Variants in PDE4D observed in about 807,000 individuals in gnomAD.
PDE4D encodes phosphodiesterase 4D.
A neutral mutation model predicts 87.4 loss-of-function variants in PDE4D; 24 were observed. The ratio of observed to expected loss-of-function variants is 0.27; its 90% CI spans 0.20 to 0.39. The LOEUF is 0.39. Among genes scored for constraint, PDE4D ranks in the 10% least tolerant of loss-of-function variants. The pLI, the probability that PDE4D is intolerant of heterozygous loss-of-function variation, is 1.00. For missense variants in PDE4D, 714 were observed against 1,041.0 expected (o/e 0.69, Z 4.32); for synonymous variants, 384 against 383.2 (o/e 1.00, Z -0.02).
intron 5 of PDE4D, among the ~76,000 whole-genome samples, chr5:59,171,386 T>C (rs527281554): frequency 1.3e-5 from 2 of 152,290 alleles, no homozygotes; most frequent in South Asian, 2.1e-4. Context: ...CTAGTCTTTC[T>C]TCTTTTCAAT....
intron 6 of PDE4D, among the ~76,000 whole-genome samples, chr5:59,025,496 G>T (rs1756046650): frequency 6.6e-6 from 1 of 152,040 alleles, no homozygotes; most frequent in Admixed American, 6.6e-5. Context: ...ATTTTTGCAT[G>T]GTTCTTTTTT....
chr5:60,286,723 C>A (rs558514699), intron 1 of PDE4D, among the ~76,000 whole-genome samples: 4 of 152,116 alleles, frequency 2.6e-5, no homozygotes, highest in African/African-American at 9.7e-5. Context: ...AAATAAGAAG[C>A]CTCCGAAACA....
At chr5:59,215,205 T>C (rs1032772061) in intron 2 of PDE4D, among the ~76,000 whole-genome samples, 58 of 152,336 alleles carry the variant, frequency 3.8e-4, no homozygotes, top group African/African-American at 1.4e-3. Flanking sequence ...ATATCTTAAA[T>C]GATATTCAAG....
chr5:59,543,694 T>C (rs551468866), intron 1 of PDE4D, among the ~76,000 whole-genome samples: 1 of 152,192 alleles, frequency 6.6e-6, no homozygotes, highest in South Asian at 2.1e-4. Flanking sequence ...TGCTTGGCTA[T>C]GTTCCCATCC....
rs771800083 is a variant in PDE4D at position 58,974,026 on chromosome 5, A to G, written c.*638T>C. 5 of 152,650 alleles carry G rather than the reference A, an allele frequency of 3.3e-5. No homozygotes were observed. The highest frequency in any genetic ancestry group is 1.5e-5 in the Non-Finnish European group (1 of 68,042). 9.5% of individuals were successfully genotyped at this position (152,650 alleles called of 1,614,324 possible). ...ACCAGTGGCAGATGAAGTTCTGAACATAGTTTTTTTTAAATATAATACCTC... is the reference window on the plus strand; with the variant it reads ...ACCAGTGGCAGATGAAGTTCTGAACGTAGTTTTTTTTAAATATAATACCTC... On this transcript the variant is annotated 3_prime_UTR_variant, in exon 15 of 15. Transcript: ENST00000340635.
intron 1 of PDE4D, among the ~76,000 whole-genome samples, chr5:59,676,152 A>G (rs1167690972): frequency 8.5e-5 from 13 of 152,186 alleles, no homozygotes; most frequent in African/African-American, 2.9e-4. Flanking sequence ...TTTGTGAAAT[A>G]GAATACGTAA....
intron 1 of PDE4D, among the ~76,000 whole-genome samples, chr5:59,319,167 TGTG>T (rs1774269434): frequency 3.9e-5 from 4 of 103,102 alleles, no homozygotes. Flanking sequence ...TATATGTGTG[TGTG>T]TGTGTGTGTG....
At chr5:59,688,760 C>G (rs1040206351) in intron 1 of PDE4D, among the ~76,000 whole-genome samples, 1 of 152,002 alleles carries the variant, frequency 6.6e-6, no homozygotes, top group African/African-American at 2.4e-5. Flanking sequence ...AAAAACCCTT[C>G]AAAAAATCAA....
rs897431334 is a variant in PDE4D at position 60,049,643 on chromosome 5, C to T, written c.43-60926G>A. 3.9e-5 allele frequency among the ~76,000 whole-genome samples: 6 copies of T among 152,208 alleles called. No individual in the cohort carries two copies. In the East Asian group the frequency reaches 9.6e-4, roughly 24 times the overall value. On this transcript the variant is annotated intron_variant, in intron 2 of 16. Coordinates refer to the PDE4D transcript ENST00000502484. ...CCCAGCCGTGTGAGGTGTCAGTCTG[C>T]CCCTGCTGGGAGGTGCCTCCCAGTT...
rs1371373154 is a variant in PDE4D, at chr5:60,124,115, C to T, written c.42+61442G>A. Among the ~76,000 whole-genome samples the T allele has an allele frequency of 2.6e-5, 4 of 151,990 alleles. No individual in the cohort carries two copies. The East Asian group carries it at 7.7e-4, about 29-fold the overall frequency. ...AAAGAAACTATTGGGTCTGATTGGC[C>T]CTAGTCTATTTTGAAACATCATAAT... On this transcript the variant is annotated intron_variant, in intron 2 of 16. Transcript: ENST00000502484.
chr5:60,352,399 G>A (rs768374453), intron 1 of PDE4D, among the ~76,000 whole-genome samples: 2 of 152,148 alleles, frequency 1.3e-5, no homozygotes, highest in Non-Finnish European at 2.9e-5. Flanking sequence ...AGTATTTTCT[G>A]CCACTTTTCT....
chr5:59,516,446 CAT>C (rs1811166702), intron 1 of PDE4D, among the ~76,000 whole-genome samples: 2 of 152,186 alleles, frequency 1.3e-5, no homozygotes, highest in South Asian at 4.1e-4. Flanking sequence ...CCAGCACTAA[CAT>C]ATGTATGGAC....
intron 1 of PDE4D, among the ~76,000 whole-genome samples, chr5:59,684,082 A>G (rs1320080478): frequency 6.6e-6 from 1 of 152,194 alleles, no homozygotes; most frequent in African/African-American, 2.4e-5. Context: ...TATAACCATG[A>G]ACTTGAAAAT....
At chr5:59,834,868 T>C (rs1323323606) in intron 1 of PDE4D, among the ~76,000 whole-genome samples, 1 of 152,070 alleles carries the variant, frequency 6.6e-6, no homozygotes, top group Non-Finnish European at 1.5e-5. Flanking sequence ...GGCAGTGAAG[T>C]CTGTGTCCCC....
chr5:59,383,362 C>T (rs2153604075), intron 1 of PDE4D, among the ~76,000 whole-genome samples: 1 of 152,214 alleles, frequency 6.6e-6, no homozygotes, highest in South Asian at 2.1e-4. Flanking sequence ...GCATTCCCTG[C>T]CCATTTGCCC....
chr5:58,990,636 A>C (rs1561250108), intron 9 of PDE4D, among the ~76,000 whole-genome samples, 168 bp downstream of exon 9: 1 of 152,184 alleles, frequency 6.6e-6, no homozygotes, highest in Admixed American at 6.5e-5. Context: ...TCCACACTCC[A>C]CCTTTCTGTA....
At chr5:59,978,255 A>G (rs1761542694) in intron 3 of PDE4D, among the ~76,000 whole-genome samples, 1 of 152,140 alleles carries the variant, frequency 6.6e-6, no homozygotes, top group Non-Finnish European at 1.5e-5. Flanking sequence ...TAAGTCGAAA[A>G]CTTTCTGGAC....
chr5:60,155,397 C>T (rs1396971551), intron 2 of PDE4D, among the ~76,000 whole-genome samples: 1 of 152,028 alleles, frequency 6.6e-6, no homozygotes, highest in Admixed American at 6.6e-5. Flanking sequence ...TGGTGAAGGG[C>T]TTCTTGTTTA....
chr5:59,468,767 C>A (rs1316344855), intron 1 of PDE4D, among the ~76,000 whole-genome samples: 2 of 152,204 alleles, frequency 1.3e-5, no homozygotes, highest in African/African-American at 2.4e-5. Context: ...TAACTGCCTA[C>A]AATAATGGCT....
Sources: allele counts gnomAD v4.1 joint callset (sites outside exome capture counted in the v4.1 genomes callset), GRCh38; gene constraint gnomAD v4.1.1; transcripts MANE v1.5; gene names NCBI Gene and HGNC (gene_info 2026-07-23, HGNC 2026-07-21).